CACNA1G: variants seen among roughly 807,000 people sequenced by gnomAD.
CACNA1G encodes the protein voltage-dependent T-type calcium channel subunit alpha-1G.
In CACNA1G, 67 loss-of-function variants were observed where a neutral mutation model predicts 219.4. The ratio of observed to expected loss-of-function variants is 0.31; its 90% CI spans 0.25 to 0.37. The LOEUF (loss-of-function observed/expected upper bound fraction) is 0.37, where lower values mean the gene tolerates loss of function less well. Among genes scored for constraint, CACNA1G ranks in the 10% least tolerant of loss-of-function variants. The pLI is 1.00. For missense variants in CACNA1G, 2,380 were observed against 3,231.4 expected (o/e 0.74, Z 6.39); for synonymous variants, 1,296 against 1,345.3 (o/e 0.96, Z 0.80).
At position 50,618,046 on chromosome 17, in the gene CACNA1G, A is replaced by G; in HGVS notation, c.5227-2A>G. 6.2e-7 allele frequency: 1 copy of G among 1,613,772 alleles called. No homozygotes were observed. The highest frequency in any genetic ancestry group is 8.5e-7 in the Non-Finnish European group (1 of 1,179,816). On this transcript the variant is annotated splice_acceptor_variant, in intron 30 of 37. Transcript: ENST00000359106. LOFTEE classifies it high-confidence loss of function. The surrounding 1 kb of genome is among the most constrained non-coding windows in gnomAD (Gnocchi z 5.3). ...GTTTCTATTTCTTCTCCTTTTTTCCAGGTGGGGAACCTGGGACTTCTCTTC... is the reference window on the plus strand; with the variant it reads ...GTTTCTATTTCTTCTCCTTTTTTCCGGGTGGGGAACCTGGGACTTCTCTTC...
chr17:50,617,820 C>A lies in CACNA1G; in HGVS notation c.5156-39C>A. ...ACTCTGCCAGCTGTCTGGCCGGGGA[C>A]CCAAAGAGGCCAGCTCATGACGTTG... On this transcript the variant is annotated intron_variant, in intron 29 of 37. Coordinates refer to ENST00000359106, the MANE Select transcript of CACNA1G (RefSeq NM_018896.5). The surrounding 1 kb of genome is among the most constrained non-coding windows in gnomAD (Gnocchi z 5.8). The A allele has an allele frequency of 6.2e-7, 1 of 1,606,430 alleles. No homozygotes were observed.
chr17:50,562,158 G>C (rs928053218), intron 1 of CACNA1G: 5 of 152,086 alleles, frequency 3.3e-5, no homozygotes, highest in Non-Finnish European at 5.9e-5. Flanking sequence ...AGGAAGCTGC[G>C]GGGACGGAGG....
At position 50,578,403 on chromosome 17, in the gene CACNA1G, C is replaced by A; in HGVS notation, c.2140C>A (p.Arg714=). The stretch of plus-strand genomic sequence containing the variant: ...CCGGGACCCCCACAGCCGGCGGCAA[C>A]GGAGCCTGGGCCCAGATGCAGAGCC... ...DLRDPHSRRQ[R]SLGPDAEPSS... Residue 714 remains arginine, a synonymous_variant, in exon 9 of 38, where the codon CGG becomes AGG. Coordinates refer to ENST00000359106, the MANE Select transcript of CACNA1G (RefSeq NM_018896.5). The surrounding 1 kb of genome is among the most constrained non-coding windows in gnomAD (Gnocchi z 4.5). 6.2e-7 allele frequency: 1 copy of A among 1,613,356 alleles called. No homozygotes were observed. Among genetic ancestry groups the A allele is most frequent in the Non-Finnish European group, 8.5e-7 (1 of 1,179,828 alleles).
intron 1 of CACNA1G, among the ~76,000 whole-genome samples, chr17:50,567,307 G>A (rs1368857445): frequency 6.6e-6 from 1 of 152,108 alleles, no homozygotes; most frequent in Non-Finnish European, 1.5e-5. Flanking sequence ...TAGGACTCTC[G>A]GGGTACCACG....
chr17:50,624,324 T>TGCCCCCCCCCCCCCCCCCCCGGC, intron 36 of CACNA1G, 36 bp from the exon 37 acceptor site: 1 of 1,177,662 alleles, frequency 8.5e-7, no homozygotes. Context: ...CTCCATTCTC[T>TGCCCCCCCCCCCCCCCCCCCGGC]CCCCCCACCC....
Position 50,621,542 on chromosome 17 carries a change from C to T in CACNA1G, c.5926-118C>T. 8.8e-7 allele frequency: 1 copy of T among 1,140,730 alleles called. No individual in the cohort carries two copies. The highest frequency in any genetic ancestry group is 1.5e-5 in the South Asian group (1 of 66,752). 70.7% of individuals were successfully genotyped at this position (1,140,730 alleles called of 1,614,324 possible). A position where few individuals can be genotyped will look rare whatever the true frequency, so the allele number is the denominator to read the frequency against. ...GAGAGAAGGGATGCCTTTTTCCCGC[C>T]CCCCTGTGCTTCGTGAAAAGGGGGA... On this transcript the variant is annotated intron_variant, in intron 34 of 37. Transcript: ENST00000359106. The surrounding 1 kb of genome is among the most constrained non-coding windows in gnomAD (Gnocchi z 4.6).
At chr17:50,624,575 T>C (rs1440131248) in intron 37 of CACNA1G, 46 bp downstream of exon 37, 1 of 1,490,970 alleles carries the variant, frequency 6.7e-7, no homozygotes, top group Admixed American at 2.2e-5. Flanking sequence ...GGCTGGACCC[T>C]CTGCTGCTGG....
At chr17:50,611,252 TAA>T (rs11291581) in intron 26 of CACNA1G, among the ~76,000 whole-genome samples, 5,651 of 129,644 alleles carry the variant, frequency 0.044, 368 homozygotes, top group African/African-American at 0.14. Context: ...AGACTCCATT[TAA>T]AAAAAAAAAA....
Position 50,626,427 on chromosome 17 carries a change from C to T in CACNA1G, c.6810C>T (p.Ile2270=), listed in dbSNP as rs755903662. 54 of 1,608,704 alleles carry T rather than the reference C, an allele frequency of 3.4e-5. No homozygotes were observed. The highest frequency in any genetic ancestry group is 2.2e-4 in the Admixed American group (13 of 59,516). The change falls in exon 38 of 38, where the codon ATC becomes ATT. Residue 2270 remains isoleucine (I), a synonymous_variant. Coordinates refer to ENST00000359106, the MANE Select transcript of CACNA1G (RefSeq NM_018896.5). This position sits in a 1 kb window ranked among gnomAD's most constrained non-coding sequence, Gnocchi z 4.3. The part of the protein sequence containing the change: ...SWLDEQRRHS[I]AVSCLDSGSQ... The stretch of plus-strand genomic sequence containing the variant: ...TGGATGAGCAGAGGAGACACTCTAT[C>T]GCCGTCAGCTGCCTGGACAGCGGCT...
chr17:50,596,759 C>G lies in CACNA1G; in HGVS notation c.3094C>G (p.Arg1032Gly). 6.2e-7 allele frequency: 1 copy of G among 1,613,126 alleles called. No homozygotes were observed. Reference protein sequence around the residue: ...LVSLGEHPELRKSLLPPLIIH... With the variant: ...LVSLGEHPELGKSLLPPLIIH... ...GTCCCTGGGAGAGCACCCGGAGCTGCGGAAGAGCCTGCTGCCGCCTCTCAT... is the reference window on the plus strand; with the variant it reads ...GTCCCTGGGAGAGCACCCGGAGCTGGGGAAGAGCCTGCTGCCGCCTCTCAT... Residue 1032 changes from arginine to glycine, a missense_variant, in exon 16 of 38, where the codon CGG (arginine) becomes GGG (glycine). This residue lies in a region of CACNA1G where 418 missense variants were observed against 434.3 expected (regional missense o/e 0.96). Coordinates refer to ENST00000359106, the MANE Select transcript of CACNA1G (RefSeq NM_018896.5). The surrounding 1 kb of genome is among the most constrained non-coding windows in gnomAD (Gnocchi z 4.8).
intron 24 of CACNA1G, 134 bp downstream of exon 24, chr17:50,607,123 C>T (rs2048125821): frequency 4.0e-6 from 3 of 748,250 alleles, no homozygotes; most frequent in East Asian, 5.3e-5. Flanking sequence ...GAGGCTGTTG[C>T]TGGTAGCCTG....
At chr17:50,562,901 G>A (rs1328274958) in intron 1 of CACNA1G, among the ~76,000 whole-genome samples, 2 of 152,116 alleles carry the variant, frequency 1.3e-5, no homozygotes, top group Admixed American at 6.5e-5. Flanking sequence ...ACAGACGCCT[G>A]GCCCCAAGCT....
chr17:50,624,955 C>CTTTTTTTTTTTTT (rs3986415), intron 37 of CACNA1G, among the ~76,000 whole-genome samples: 1 of 117,546 alleles, frequency 8.5e-6, no homozygotes, highest in Non-Finnish European at 1.7e-5. Flanking sequence ...AGCCCAGATT[C>CTTTTTTTTTTTTT]TTTTTTTTTT....
chr17:50,566,997 G>A lies in CACNA1G; in HGVS notation c.243-1873G>A, dbSNP rs181182181. Among the ~76,000 whole-genome samples, 6 of 152,324 alleles carry A rather than the reference G, an allele frequency of 3.9e-5. No individual in the cohort carries two copies. The East Asian group carries it at 1.2e-3, about 29-fold the overall frequency. The stretch of plus-strand genomic sequence containing the variant: ...GCTCCTTCCAGACCCCCCTTTCCCT[G>A]CAGAGGAGAGGAGGGGACCTGCATG... On this transcript the variant is annotated intron_variant, in intron 1 of 37. Coordinates refer to ENST00000359106, the MANE Select transcript of CACNA1G (RefSeq NM_018896.5).
At chr17:50,589,475 C>A (rs1427925662) in intron 9 of CACNA1G, among the ~76,000 whole-genome samples, 1 of 152,340 alleles carries the variant, frequency 6.6e-6, no homozygotes, top group East Asian at 1.9e-4. Context: ...TTCTAGCAGA[C>A]ACTGAGCTCC....
At chr17:50,580,619 C>G (rs995777485) in intron 9 of CACNA1G, among the ~76,000 whole-genome samples, 2 of 152,150 alleles carry the variant, frequency 1.3e-5, no homozygotes, top group African/African-American at 4.8e-5. Context: ...GGTGCCTGCA[C>G]CTTCTTCTTG....
chr17:50,623,870 C>A, intron 35 of CACNA1G, 37 bp from the exon 36 acceptor site: 1 of 1,589,186 alleles, frequency 6.3e-7, no homozygotes, highest in Non-Finnish European at 8.6e-7. Context: ...CCACGCACAC[C>A]CTCTTCCTCC....
At chr17:50,562,700 C>T (rs2036222745) in intron 1 of CACNA1G, among the ~76,000 whole-genome samples, 1 of 152,126 alleles carries the variant, frequency 6.6e-6, no homozygotes, top group Admixed American at 6.5e-5. Flanking sequence ...CTTGAGGGGA[C>T]AGTAATACTG....
chr17:50,592,149 C>G, intron 13 of CACNA1G, 57 bp downstream of exon 13: 1 of 1,541,654 alleles, frequency 6.5e-7, no homozygotes, highest in Admixed American at 1.8e-5. Flanking sequence ...TTCCAATTGG[C>G]TGCCTGTCTT....
Sources: allele counts gnomAD v4.1 joint callset (sites outside exome capture counted in the v4.1 genomes callset), GRCh38; gene constraint gnomAD v4.1.1; regional missense constraint gnomAD v4.1.1; non-coding constraint Gnocchi (gnomAD v3.1); transcripts MANE v1.5; gene names NCBI Gene and HGNC (gene_info 2026-07-23, HGNC 2026-07-21).